The following PUS7 variants were observed in gnomAD, a reference collection of about 807,000 sequenced individuals.
The protein encoded by PUS7 is pseudouridylate synthase 7 homolog.
A neutral mutation model predicts 79.8 loss-of-function variants in PUS7; 48 were observed. That is an observed-to-expected ratio of 0.60 (90% CI 0.48 to 0.76). The LOEUF (loss-of-function observed/expected upper bound fraction) is 0.76, where lower values mean the gene tolerates loss of function less well. Among genes scored for constraint, PUS7 ranks in the 30% least tolerant of loss-of-function variants. The pLI is 0.00. For synonymous variants in PUS7, 286 were observed against 272.2 expected (o/e 1.05, Z -0.50); for missense variants, 729 against 797.6 (o/e 0.91, Z 1.04).
chr7:105,472,816 C>T (rs185685999), intron 9 of PUS7, among the ~76,000 whole-genome samples: 141 of 151,846 alleles, frequency 9.3e-4, no homozygotes, highest in African/African-American at 3.2e-3. Context: ...TGCAATGATG[C>T]GATCTCGGCT....
In PUS7 at chr7:105,465,318, T is replaced by C. The variant is rs1173438500; in HGVS notation, c.1622A>G (p.His541Arg). 6.2e-7 allele frequency: 1 copy of C among 1,603,566 alleles called. No individual in the cohort carries two copies. The highest frequency in any genetic ancestry group is 1.7e-5 in the Admixed American group (1 of 59,676). Residue 541 changes from histidine to arginine, a missense_variant, in exon 13 of 16, where the codon CAT (histidine) becomes CGT (arginine). By Grantham distance (29) the His-to-Arg change is conservative. Coordinates refer to ENST00000469408, the MANE Select transcript of PUS7 (RefSeq NM_019042.5). ...LPGFDVIYPK[H>R]KIQEAYREML... ...TCCCCATACAGGGAACTTACTTTTA[T>C]GCTTTGGGTAGATAACATCGAAACC...
In PUS7 at chr7:105,508,261, CTCTTCTTCCTCA is replaced by C; in HGVS notation, c.240_251del (p.Asp80_Glu83del). 6.2e-7 allele frequency: 1 copy of C among 1,614,154 alleles called. No homozygotes were observed. The highest frequency in any genetic ancestry group is 8.5e-7 in the Non-Finnish European group (1 of 1,180,016). ...ACTCCTCTGAAAGTCCATCTTCCTC[CTCTTCTTCCTCA>C]TCTTCCAACTGAGCCTCAGAATTCT... is the stretch of plus-strand genomic sequence containing the variant. On this transcript the variant is annotated inframe_deletion, in exon 2 of 16. Transcript: ENST00000469408.
chr7:105,470,628 G>GA, intron 11 of PUS7, 60 bp downstream of exon 11: 1 of 1,463,362 alleles, frequency 6.8e-7, no homozygotes, highest in Admixed American at 2.3e-5. Flanking sequence ...CTTTCAAGAT[G>GA]AAATTTAAAA....
Position 105,456,726 on chromosome 7 carries a change from C to CTGAT in PUS7, c.*1060_*1063dup, listed in dbSNP as rs1823203099. 1 of 152,196 alleles carries CTGAT rather than the reference C, an allele frequency of 6.6e-6. No individual in the cohort carries two copies. The highest frequency in any genetic ancestry group is 1.5e-5 in the Non-Finnish European group (1 of 68,040). The allele number at this position is 152,196 out of a possible 1,614,324, so 9.4% of individuals were successfully genotyped here. On this transcript the variant is annotated 3_prime_UTR_variant, in exon 16 of 16. Transcript: ENST00000469408. ...CACTGGTGACAAAGGGTAAACGCTA[C>CTGAT]TGATAGAAGAAAGCCTTGTCCATTT...
At chr7:105,504,947 A>G (rs779146516) in intron 4 of PUS7, among the ~76,000 whole-genome samples, 1 of 152,126 alleles carries the variant, frequency 6.6e-6, no homozygotes, top group Non-Finnish European at 1.5e-5. Flanking sequence ...GGGGAATTTC[A>G]GACAACCGAA....
At chr7:105,498,213 T>C (rs1047543046) in intron 5 of PUS7, among the ~76,000 whole-genome samples, 8 of 152,190 alleles carry the variant, frequency 5.3e-5, no homozygotes, top group Non-Finnish European at 1.0e-4. Flanking sequence ...TACAAAATAG[T>C]AAGCATATGC....
chr7:105,484,958 A>G (rs1824485002), intron 7 of PUS7, among the ~76,000 whole-genome samples: 1 of 149,048 alleles, frequency 6.7e-6, no homozygotes, highest in African/African-American at 2.5e-5. Context: ...TGGCTCCTGA[A>G]ATCAAGGAAT....
chr7:105,500,330 A>T (rs940784021), intron 5 of PUS7, among the ~76,000 whole-genome samples: 1 of 152,210 alleles, frequency 6.6e-6, no homozygotes. Flanking sequence ...CGGGTGTCGC[A>T]TAAGCAGAGA....
At chr7:105,516,504 C>T (rs193200272) in intron 1 of PUS7, among the ~76,000 whole-genome samples, 19 of 151,578 alleles carry the variant, frequency 1.3e-4, no homozygotes, top group African/African-American at 4.6e-4. Context: ...AGTGCAATGG[C>T]GTGATCTTGG....
chr7:105,508,871 TAAAAAAAAAAAAAAAAA>T (rs34249093), intron 1 of PUS7, among the ~76,000 whole-genome samples: 7 of 22,926 alleles, frequency 3.1e-4, no homozygotes, highest in African/African-American at 1.0e-3. Flanking sequence ...GACATTGTCT[TAAAAAAAAAAAAAAAAA>T]AAAAAAAAAA....
intron 9 of PUS7, among the ~76,000 whole-genome samples, chr7:105,476,787 A>C (rs1037204382): frequency 6.6e-6 from 1 of 152,190 alleles, no homozygotes; most frequent in African/African-American, 2.4e-5. Flanking sequence ...TTGTTTTGTG[A>C]TAATAGCCTT....
chr7:105,508,890 A>G (rs893156607), intron 1 of PUS7, among the ~76,000 whole-genome samples: 33 of 137,922 alleles, frequency 2.4e-4, no homozygotes, highest in African/African-American at 8.7e-4. Context: ...AAAAAAAAAA[A>G]AAAAAAAAGG....
At chr7:105,497,570 TTC>T (rs1217555718) in intron 5 of PUS7, among the ~76,000 whole-genome samples, 1 of 152,230 alleles carries the variant, frequency 6.6e-6, no homozygotes, top group Non-Finnish European at 1.5e-5. Context: ...GTTTTTATCA[TTC>T]TTTGAACAAG....
chr7:105,494,949 C>T (rs1824944629), intron 6 of PUS7, among the ~76,000 whole-genome samples, 193 bp downstream of exon 6: 2 of 147,944 alleles, frequency 1.4e-5, no homozygotes, highest in Admixed American at 1.4e-4. Flanking sequence ...TTCACTCCAG[C>T]CTGAGTGACA....
At chr7:105,484,439 A>T (rs927383919) in intron 7 of PUS7, among the ~76,000 whole-genome samples, 7 of 151,872 alleles carry the variant, frequency 4.6e-5, no homozygotes, top group African/African-American at 1.7e-4. Context: ...ACACAGCAAG[A>T]TCCCATCTCT....
intron 1 of PUS7, among the ~76,000 whole-genome samples, chr7:105,520,827 C>G (rs998864092): frequency 1.3e-5 from 2 of 151,974 alleles, no homozygotes; most frequent in African/African-American, 4.8e-5. Context: ...TGCTTAAGGT[C>G]AGGAGTTTGA....
intron 6 of PUS7, among the ~76,000 whole-genome samples, chr7:105,493,001 T>C (rs1192075037): frequency 6.6e-6 from 1 of 152,240 alleles, no homozygotes. Flanking sequence ...ACTGATGTTG[T>C]TCAAAGACTT....
chr7:105,496,658 A>G (rs139304779), intron 5 of PUS7, among the ~76,000 whole-genome samples: 214 of 152,364 alleles, frequency 1.4e-3, no homozygotes, highest in African/African-American at 4.8e-3. Context: ...TGAAAAGAAC[A>G]AAAGACTCCA....
rs1562813558 is a variant in PUS7, at chr7:105,502,365, C to T, written c.730+55G>A. On this transcript the variant is annotated intron_variant, in intron 5 of 15. Coordinates refer to ENST00000469408, the MANE Select transcript of PUS7 (RefSeq NM_019042.5). Reference sequence around the variant, plus strand: ...ACGAACGGGCAAGGCTAACGAGGAGCGGGGCCTGCCGCTCACGGCTGCCTG... The same window carrying T: ...ACGAACGGGCAAGGCTAACGAGGAGTGGGGCCTGCCGCTCACGGCTGCCTG... The T allele has an allele frequency of 3.1e-6, 5 of 1,604,900 alleles. No homozygotes were observed. In the South Asian group the frequency reaches 3.3e-5, roughly 11 times the overall value.
Sources: gnomAD v4.1 joint callset for allele counts (sites outside exome capture counted in the v4.1 genomes callset) on GRCh38, gnomAD v4.1.1 for gene constraint, MANE v1.5 for transcripts, NCBI Gene and HGNC (gene_info 2026-07-23, HGNC 2026-07-21) for gene names.